EML5: variants seen among roughly 807,000 people sequenced by gnomAD.
EML5 encodes EMAP like 5.
In EML5, 120 loss-of-function variants were observed where a neutral mutation model predicts 250.0. That is an observed-to-expected ratio of 0.48 (90% CI 0.41 to 0.56). The LOEUF (loss-of-function observed/expected upper bound fraction) is 0.56, where lower values mean the gene tolerates loss of function less well. Ranked by LOEUF, EML5 falls within the 20% of genes least tolerant of loss-of-function variation. The pLI, the probability that EML5 is intolerant of heterozygous loss-of-function variation, is 0.00. For synonymous variants in EML5, 771 were observed against 806.5 expected (o/e 0.96, Z 0.75); for missense variants, 2,006 against 2,437.6 (o/e 0.82, Z 3.73).
intron 36 of EML5, 72 bp downstream of exon 36, chr14:88,624,898 T>G: frequency 6.5e-7 from 1 of 1,550,216 alleles, no homozygotes; most frequent in Non-Finnish European, 8.7e-7. Context: ...TAGAAACAAC[T>G]AGAATAATTA....
chr14:88,628,034 CT>C, intron 33 of EML5: 1 of 591,246 alleles, frequency 1.7e-6, no homozygotes, highest in Non-Finnish European at 3.0e-6. Flanking sequence ...TAGAACACTT[CT>C]TCAGGCCATA....
At chr14:88,654,543 T>C (rs2091786095) in intron 27 of EML5, among the ~76,000 whole-genome samples, 1 of 152,184 alleles carries the variant, frequency 6.6e-6, no homozygotes, top group Non-Finnish European at 1.5e-5. Flanking sequence ...ATTTACCCAG[T>C]AGTAATTCAG....
chr14:88,740,711 A>G, intron 4 of EML5, 139 bp from the exon 5 acceptor site: 1 of 703,708 alleles, frequency 1.4e-6, no homozygotes, highest in East Asian at 2.7e-5. Context: ...ATAGCATTCA[A>G]TGTTCAGATT....
intron 7 of EML5, among the ~76,000 whole-genome samples, chr14:88,730,335 T>C (rs1314689327): frequency 6.6e-6 from 1 of 152,218 alleles, no homozygotes; most frequent in Non-Finnish European, 1.5e-5. Flanking sequence ...TCACAGAAGT[T>C]ATTCACAAAT....
chr14:88,695,431 C>A lies in EML5; in HGVS notation c.2368G>T (p.Val790Phe). 1 of 1,612,446 alleles carries A rather than the reference C, an allele frequency of 6.2e-7. No individual in the cohort carries two copies. Among genetic ancestry groups the A allele is most frequent in the Non-Finnish European group, 8.5e-7 (1 of 1,179,292 alleles). ...ACAGTATGGCTATCATCTATGCCAA[C>A]TGATGCCAAACGTTTCCCATCCGCT... is the stretch of plus-strand genomic sequence containing the variant. ...FSADGKRLAS[V>F]GIDDSHTVVL... Residue 790 changes from valine (V) to phenylalanine (F), a missense_variant, in exon 16 of 44, where the codon GTT becomes TTT. Physicochemically the swap from Val to Phe is conservative, Grantham distance 50. This residue lies in a region of EML5 where 1,375 missense variants were observed against 1,590.3 expected (regional missense o/e 0.86). Transcript: ENST00000554922.
At chr14:88,734,339 T>C (rs2093807182) in intron 7 of EML5, among the ~76,000 whole-genome samples, 1 of 152,212 alleles carries the variant, frequency 6.6e-6, no homozygotes, top group African/African-American at 2.4e-5. Context: ...ATGTAAGTAT[T>C]AGAATGCCAC....
intron 43 of EML5, 115 bp downstream of exon 43, chr14:88,616,027 A>T: frequency 1.5e-6 from 2 of 1,302,194 alleles, no homozygotes; most frequent in South Asian, 1.3e-5. Flanking sequence ...TGGTTATACT[A>T]CCTTCTACTA....
chr14:88,717,416 A>C (rs2093514598), intron 8 of EML5, among the ~76,000 whole-genome samples: 2 of 152,144 alleles, frequency 1.3e-5, no homozygotes, highest in African/African-American at 4.8e-5. Context: ...TTGTGAGGTT[A>C]AGCTAGGATA....
At chr14:88,663,337 T>A (rs1037168592) in intron 23 of EML5, among the ~76,000 whole-genome samples, 2 of 152,160 alleles carry the variant, frequency 1.3e-5, no homozygotes, top group Non-Finnish European at 1.5e-5. Context: ...TGTATATACA[T>A]AAAAATGATT....
chr14:88,752,611 G>GGAGGCAGGGAAATACTGGGTAGAA (rs1199876367), intron 2 of EML5, among the ~76,000 whole-genome samples: 3 of 152,128 alleles, frequency 2.0e-5, no homozygotes, highest in Non-Finnish European at 2.9e-5. Context: ...AATATGAACA[G>GGAGGCAGGGAAATACTGGGTAGAA]GAGGCAGGGA....
Position 88,620,936 on chromosome 14 carries a change from A to T in EML5, c.5203-10T>A, listed in dbSNP as rs76560678. 4 of 518,042 alleles carry T rather than the reference A, an allele frequency of 7.7e-6. No individual in the cohort carries two copies. Among genetic ancestry groups the T allele is most frequent in the Non-Finnish European group, 2.7e-6 (1 of 365,872 alleles). 32.1% of individuals were successfully genotyped at this position (518,042 alleles called of 1,614,324 possible). A position where few individuals can be genotyped will look rare whatever the true frequency, so the allele number is the denominator to read the frequency against. On this transcript the variant is annotated splice_polypyrimidine_tract_variant and intron_variant, in intron 38 of 43. Transcript: ENST00000554922. The surrounding 1 kb of genome is among the most constrained non-coding windows in gnomAD (Gnocchi z 4.3). ...CTTTGTTTAACATCTTCTGCATTTA[A>T]AAAAAAAAAAAAAAAGAGTCATAGG...
chr14:88,664,693 A>G (rs2092254025), intron 22 of EML5, 69 bp from the exon 23 acceptor site: 1 of 1,488,870 alleles, frequency 6.7e-7, no homozygotes, highest in Non-Finnish European at 9.0e-7. Context: ...CTGCAACTAG[A>G]GTTAATTTTC....
chr14:88,631,631 G>A (rs1186257429), intron 33 of EML5, among the ~76,000 whole-genome samples: 1 of 152,194 alleles, frequency 6.6e-6, no homozygotes, highest in Non-Finnish European at 1.5e-5. Context: ...TTAGCTGGGC[G>A]TGGTGGCAGT....
intron 23 of EML5, 139 bp downstream of exon 23, chr14:88,664,354 A>T (rs1292794392): frequency 5.9e-6 from 4 of 678,624 alleles, no homozygotes; most frequent in African/African-American, 5.6e-5. Flanking sequence ...GTAAAATAGT[A>T]AAAAATAATT....
chr14:88,768,659 G>A (rs558645135), intron 1 of EML5, among the ~76,000 whole-genome samples: 2 of 152,208 alleles, frequency 1.3e-5, no homozygotes, highest in South Asian at 2.1e-4. Context: ...TGACCCACCC[G>A]CCTGGGCCTC....
rs1566725615 is a variant in EML5 at position 88,736,374 on chromosome 14, GATC to G, written c.1036_1038del (p.Asp346del). ...TTATAATTTGCTTACCTGACCGAAC[GATC>G]ATCACTTCCAGTCACAGCCAAAGGT... On this transcript the variant is annotated inframe_deletion, in exon 7 of 44. Coordinates refer to ENST00000554922, the MANE Select transcript of EML5 (RefSeq NM_183387.3). 6.2e-7 allele frequency: 1 copy of G among 1,613,904 alleles called. No homozygotes were observed. The highest frequency in any genetic ancestry group is 1.1e-5 in the South Asian group (1 of 91,086).
intron 8 of EML5, among the ~76,000 whole-genome samples, chr14:88,715,494 T>C (rs1056486781): frequency 2.6e-5 from 4 of 152,138 alleles, no homozygotes; most frequent in Non-Finnish European, 5.9e-5. Context: ...AATAAAGTAA[T>C]AGATTTTTAT....
At chr14:88,686,964 G>A (rs920369525) in intron 19 of EML5, among the ~76,000 whole-genome samples, 1 of 152,114 alleles carries the variant, frequency 6.6e-6, no homozygotes, top group African/African-American at 2.4e-5. Context: ...AATTTTCTTT[G>A]GAAAATTAAT....
At position 88,720,122 on chromosome 14, in the gene EML5, G is replaced by C. The variant is rs894435460; in HGVS notation, c.1188-4927C>G. On this transcript the variant is annotated intron_variant, in intron 8 of 43. Transcript: ENST00000554922. ...GAATCCCTAAATAGACCAATAACAA[G>C]TTCTAAAATTGAGGCAGTAATAAAT... Among the ~76,000 whole-genome samples, 10 of 152,060 alleles carry C rather than the reference G, an allele frequency of 6.6e-5. 1 individual carries two copies. The highest frequency in any genetic ancestry group is 6.6e-4 in the Admixed American group (10 of 15,252).
Sources: gnomAD v4.1 joint callset for allele counts (sites outside exome capture counted in the v4.1 genomes callset) on GRCh38, gnomAD v4.1.1 for gene constraint, gnomAD v4.1.1 regional missense constraint, Gnocchi (gnomAD v3.1) non-coding constraint, MANE v1.5 for transcripts, NCBI Gene and HGNC (gene_info 2026-07-23, HGNC 2026-07-21) for gene names.